TRIO: variants seen among roughly 807,000 people sequenced by gnomAD.
The protein encoded by TRIO is trio Rho guanine nucleotide exchange factor.
TRIO carries 58 observed loss-of-function variants against 351.9 expected under a neutral mutation model. The observed-to-expected ratio is 0.16, with a 90% confidence interval of 0.13 to 0.21. The LOEUF is 0.21. TRIO is among the 10% of genes least tolerant of loss of function. The pLI is 1.00. For missense variants in TRIO, 3,201 were observed against 4,027.8 expected (o/e 0.79, Z 5.56); for synonymous variants, 1,758 against 1,595.7 (o/e 1.10, Z -2.42).
chr5:14,320,648 A>G (rs901047830), intron 9 of TRIO, among the ~76,000 whole-genome samples: 1 of 152,214 alleles, frequency 6.6e-6, no homozygotes. Flanking sequence ...CTTCTTGTCC[A>G]GTCTTTATTC....
At chr5:14,207,389 TACACACACAC>T (rs70964544) in intron 1 of TRIO, among the ~76,000 whole-genome samples, 425 of 11,702 alleles carry the variant, frequency 0.036, 101 homozygotes, top group East Asian at 0.16. Context: ...CAAGACTGTC[TACACACACAC>T]ACACACACAC....
chr5:14,462,138 A>G (rs1452650889), intron 35 of TRIO, among the ~76,000 whole-genome samples: 1 of 152,118 alleles, frequency 6.6e-6, no homozygotes, highest in Non-Finnish European at 1.5e-5. Context: ...TATTTGATTT[A>G]TTTGGCAGAT....
intron 1 of TRIO, among the ~76,000 whole-genome samples, chr5:14,161,323 T>C (rs886095920): frequency 6.6e-6 from 1 of 152,170 alleles, no homozygotes; most frequent in Non-Finnish European, 1.5e-5. Context: ...TACCTGTACC[T>C]CTTTGTGTTT....
intron 33 of TRIO, among the ~76,000 whole-genome samples, chr5:14,417,768 A>AGGCT (rs1381432872): frequency 6.6e-6 from 1 of 152,270 alleles, no homozygotes; most frequent in Non-Finnish European, 1.5e-5. Flanking sequence ...AGGAAAATCC[A>AGGCT]GGCTTCGTTT....
chr5:14,190,107 T>A (rs2152147625), intron 1 of TRIO, among the ~76,000 whole-genome samples: 1 of 152,122 alleles, frequency 6.6e-6, no homozygotes, highest in Admixed American at 6.6e-5. Flanking sequence ...TGTAAGTGGG[T>A]CTATAGAGAT....
intron 1 of TRIO, among the ~76,000 whole-genome samples, chr5:14,161,501 C>G (rs900459773): frequency 2.0e-5 from 3 of 152,072 alleles, no homozygotes; most frequent in Admixed American, 6.6e-5. Context: ...TATAATTGTT[C>G]CTTCACTCGT....
intron 9 of TRIO, among the ~76,000 whole-genome samples, chr5:14,326,519 CAG>C (rs2152312791): frequency 6.6e-6 from 1 of 152,302 alleles, no homozygotes; most frequent in Non-Finnish European, 1.5e-5. Context: ...ACCCTCTGAA[CAG>C]AGAGGAAGGT....
chr5:14,296,705 CTG>C (rs1737393491), intron 6 of TRIO, among the ~76,000 whole-genome samples: 1 of 152,164 alleles, frequency 6.6e-6, no homozygotes, highest in Non-Finnish European at 1.5e-5. Flanking sequence ...CCTCAGTTCT[CTG>C]TGACTGCCTG....
intron 3 of TRIO, 53 bp downstream of exon 3, chr5:14,280,489 T>C (rs1735901793): frequency 6.7e-7 from 1 of 1,490,474 alleles, no homozygotes; most frequent in Non-Finnish European, 9.4e-7. Context: ...ACAAGAGATG[T>C]GGCGCTATAC....
chr5:14,380,654 A>C (rs1746022134), intron 20 of TRIO, among the ~76,000 whole-genome samples: 1 of 152,262 alleles, frequency 6.6e-6, no homozygotes, highest in Admixed American at 6.5e-5. Flanking sequence ...TCATTACGAC[A>C]GTATGGCAGT....
At chr5:14,326,672 A>C (rs993452535) in intron 9 of TRIO, among the ~76,000 whole-genome samples, 11 of 152,250 alleles carry the variant, frequency 7.2e-5, no homozygotes, top group Non-Finnish European at 1.2e-4. Flanking sequence ...ACACAGAGCA[A>C]ATAGATAACA....
At chr5:14,222,721 A>G (rs1792723158) in intron 1 of TRIO, among the ~76,000 whole-genome samples, 1 of 152,200 alleles carries the variant, frequency 6.6e-6, no homozygotes, top group Non-Finnish European at 1.5e-5. Flanking sequence ...GTGAAGTTTT[A>G]AACCTTGTAA....
chr5:14,278,285 A>G (rs1037416970), intron 2 of TRIO, among the ~76,000 whole-genome samples: 6 of 152,182 alleles, frequency 3.9e-5, no homozygotes, highest in African/African-American at 7.2e-5. Context: ...TGTGCAAACT[A>G]CTGACTTCCA....
chr5:14,224,645 G>A (rs1464527933), intron 1 of TRIO, among the ~76,000 whole-genome samples: 2 of 140,996 alleles, frequency 1.4e-5, no homozygotes, highest in African/African-American at 2.6e-5. Flanking sequence ...AGTAAATAAA[G>A]CTTTACAGAA....
chr5:14,283,371 G>C (rs550074599), intron 3 of TRIO, among the ~76,000 whole-genome samples: 1 of 152,178 alleles, frequency 6.6e-6, no homozygotes, highest in Admixed American at 6.5e-5. Context: ...TATGTGAAGG[G>C]AGAACATGGG....
intron 31 of TRIO, 117 bp downstream of exon 31, chr5:14,401,181 GTTC>G: frequency 1.2e-6 from 1 of 810,816 alleles, no homozygotes; most frequent in Non-Finnish European, 1.9e-6. Context: ...GTGTGTGTGT[GTTC>G]TATTCAGATT....
chr5:14,365,321 A>G (rs1461175903), intron 15 of TRIO, among the ~76,000 whole-genome samples: 1 of 152,186 alleles, frequency 6.6e-6, no homozygotes, highest in East Asian at 1.9e-4. Flanking sequence ...CTGTGCATGG[A>G]TATGACATTT....
At chr5:14,494,827 A>T (rs1404372735) in intron 49 of TRIO, among the ~76,000 whole-genome samples, 1 of 152,232 alleles carries the variant, frequency 6.6e-6, no homozygotes, top group Non-Finnish European at 1.5e-5. Context: ...TGAACCCTGG[A>T]GGCGGAGGTT....
chr5:14,253,154 T>C (rs354305), intron 1 of TRIO, among the ~76,000 whole-genome samples: 122,783 of 152,228 alleles, frequency 0.81, 49,678 homozygotes, highest in East Asian at 0.98. Context: ...AGGACAGGAG[T>C]GCTGCACTTG....
Sources: allele counts gnomAD v4.1 joint callset (sites outside exome capture counted in the v4.1 genomes callset), GRCh38; gene constraint gnomAD v4.1.1; transcripts MANE v1.5; gene names NCBI Gene and HGNC (gene_info 2026-07-23, HGNC 2026-07-21).